TCF20: variants seen among roughly 807,000 people sequenced by gnomAD.
TCF20 encodes the protein SPRE-binding protein.
TCF20 carries 3 observed loss-of-function variants against 148.6 expected under a neutral mutation model. The observed-to-expected ratio is 0.02, with a 90% confidence interval of 0.01 to 0.05. The LOEUF (loss-of-function observed/expected upper bound fraction) is 0.05. Ranked by LOEUF, TCF20 falls within the 10% of genes least tolerant of loss-of-function variation. The pLI is 1.00. For missense variants in TCF20, 2,350 were observed against 2,429.3 expected, an observed-to-expected ratio of 0.97 and a Z score of 0.69; for synonymous variants, 1,049 against 909.5, an observed-to-expected ratio of 1.15 and a Z score of -2.76.
At chr22:42,270,877 C>T (rs993007212), upstream of TCF20, among the ~76,000 whole-genome samples, 22 of 151,336 alleles carry the variant, frequency 1.5e-4, no homozygotes, top group South Asian at 4.1e-4. Flanking sequence ...CGGGGTTCTC[C>T]TCTGCGGCCG....
rs760215206 is a variant in TCF20 at position 42,213,812 on chromosome 22, G to A, written c.1494C>T (p.Cys498=). The change falls in exon 2 of 6, where the codon TGC becomes TGT. Residue 498 remains cysteine, a synonymous_variant. Coordinates refer to ENST00000677622, the MANE Select transcript of TCF20 (RefSeq NM_001378418.1). ...GTTGTGAGGAGCCTTCAGAATTTGT[G>A]CAGCTATCTGCTTTCTTGGAAGATG... ...RPSSSKKADS[C]TNSEGSSQPE... 4.3e-6 allele frequency: 7 copies of A among 1,614,022 alleles called. No individual in the cohort carries two copies. Among genetic ancestry groups the A allele is most frequent in the Non-Finnish European group, 5.1e-6 (6 of 1,180,046 alleles).
At position 42,168,650 on chromosome 22, in the gene TCF20, C is replaced by G. The variant is rs768602400; in HGVS notation, c.*3G>C. ...TTCCATTCCCACGAGCACACTGCCC[C>G]CCTCACCCCCGCTCCGACTGCTCTG... On this transcript the variant is annotated 3_prime_UTR_variant, in exon 5 of 6. Coordinates refer to ENST00000677622, the MANE Select transcript of TCF20 (RefSeq NM_001378418.1). 11 of 1,600,176 alleles carry G rather than the reference C, an allele frequency of 6.9e-6. No individual in the cohort carries two copies. Among genetic ancestry groups the G allele is most frequent in the Middle Eastern group, 1.7e-4 (1 of 5,926 alleles).
intron 1 of TCF20, among the ~76,000 whole-genome samples, chr22:42,231,086 C>T (rs910988946): frequency 1.3e-5 from 2 of 152,052 alleles, no homozygotes; most frequent in African/African-American, 2.4e-5. Context: ...CGCTTGAACT[C>T]GCGACATGGA....
intron 1 of TCF20, among the ~76,000 whole-genome samples, chr22:42,289,448 C>T (rs1927093248): frequency 1.3e-5 from 2 of 152,276 alleles, no homozygotes; most frequent in Middle Eastern, 6.8e-3. Context: ...AGCACAGAGC[C>T]ACTCCTGGCT....
At chr22:42,265,977 T>C (rs1382190797) in intron 1 of TCF20, among the ~76,000 whole-genome samples, 1 of 151,892 alleles carries the variant, frequency 6.6e-6, no homozygotes, top group Non-Finnish European at 1.5e-5. Flanking sequence ...AAGGTAAAAG[T>C]TTAGGGAACT....
chr22:42,232,458 G>C (rs1923507129), intron 1 of TCF20, among the ~76,000 whole-genome samples: 1 of 151,954 alleles, frequency 6.6e-6, no homozygotes, highest in African/African-American at 2.4e-5. Flanking sequence ...AAATTAGAAA[G>C]ACGACTGATA....
At chr22:42,193,045 T>C (rs1168631076) in intron 2 of TCF20, among the ~76,000 whole-genome samples, 2 of 152,222 alleles carry the variant, frequency 1.3e-5, no homozygotes. Flanking sequence ...TTAGAACTAT[T>C]GGTTCAATTC....
upstream of TCF20, among the ~76,000 whole-genome samples, chr22:42,284,154 G>C (rs564991759): frequency 6.6e-5 from 10 of 152,222 alleles, 1 homozygote; most frequent in South Asian, 6.2e-4. Flanking sequence ...GGGAGCACCC[G>C]ATCCCCCCTC....
intron 1 of TCF20, among the ~76,000 whole-genome samples, chr22:42,329,478 G>A (rs929610505): frequency 1.3e-5 from 2 of 152,272 alleles, no homozygotes; most frequent in Non-Finnish European, 2.9e-5. Flanking sequence ...GGCTCAAGGA[G>A]GAGAGAAGCG....
intron 1 of TCF20, among the ~76,000 whole-genome samples, chr22:42,221,785 C>T (rs1424203588): frequency 8.5e-6 from 1 of 117,050 alleles, no homozygotes; most frequent in Non-Finnish European, 1.6e-5. Context: ...GTTGCCCAGG[C>T]TGGAGTGCAG....
At position 42,211,191 on chromosome 22, in the gene TCF20, C is replaced by G. The variant is rs371868789; in HGVS notation, c.4115G>C (p.Ser1372Thr). ...PNIRRSASSNSAEAGGDTVTL... is the reference protein window; with the variant it reads ...PNIRRSASSNTAEAGGDTVTL... ...AACCGTGTCTCCCCCAGCCTCCGCA[C>G]TGTTCGAAGATGCGCTCCTCCTAAT... The change falls in exon 2 of 6, where the codon AGT becomes ACT. Residue 1372 changes from serine (S) to threonine (T), a missense_variant. Physicochemically the swap from Ser to Thr is moderately conservative, Grantham distance 58. This residue lies in a region of TCF20 where 231 missense variants were observed against 213.7 expected (regional missense o/e 1.08). Transcript: ENST00000677622. 1 of 1,614,080 alleles carries G rather than the reference C, an allele frequency of 6.2e-7. No homozygotes were observed. The highest frequency in any genetic ancestry group is 2.2e-5 in the East Asian group (1 of 44,876).
In TCF20 at chr22:42,202,553, G is replaced by T. The variant is rs17002873; in HGVS notation, c.5655+7098C>A. Among the ~76,000 whole-genome samples, 971 of 152,334 alleles carry T rather than the reference G, an allele frequency of 6.4e-3. 15 individuals carry two copies. Among genetic ancestry groups the T allele is most frequent in the Middle Eastern group, 0.027 (8 of 294 alleles). ...CCTCTACACAGCTGTTGAGGAGAACGGCAAAAGCCAGGACCTTCCGGGGCA... is the reference window on the plus strand; with the variant it reads ...CCTCTACACAGCTGTTGAGGAGAACTGCAAAAGCCAGGACCTTCCGGGGCA... On this transcript the variant is annotated intron_variant, in intron 2 of 5. Coordinates refer to ENST00000677622, the MANE Select transcript of TCF20 (RefSeq NM_001378418.1).
At position 42,212,471 on chromosome 22, in the gene TCF20, C is replaced by G. The variant is rs1569149055; in HGVS notation, c.2835G>C (p.Lys945Asn). The G allele has an allele frequency of 1.4e-5, 23 of 1,614,218 alleles. No homozygotes were observed. The highest frequency in any genetic ancestry group is 2.2e-5 in the East Asian group (1 of 44,882). The change falls in exon 2 of 6, where the codon AAG becomes AAC. Residue 945 changes from lysine to asparagine, a missense_variant. Transcript: ENST00000677622. ...GAGGATGGCAGTGGTCTCCAGATTT[C>G]TTGTTGTTGAAACTAGCTTGAGATT... ...QSKSQASFNNKKSGDHCHPPS... is the reference protein window; with the variant it reads ...QSKSQASFNNNKSGDHCHPPS...
chr22:42,327,002 C>G (rs761753046), intron 1 of TCF20, among the ~76,000 whole-genome samples: 1 of 152,218 alleles, frequency 6.6e-6, no homozygotes, highest in Non-Finnish European at 1.5e-5. Flanking sequence ...GGCAGCAGAT[C>G]AGGAAGGAGA....
chr22:42,255,742 T>C (rs2147361857), intron 1 of TCF20, among the ~76,000 whole-genome samples: 1 of 152,228 alleles, frequency 6.6e-6, no homozygotes, highest in Admixed American at 6.5e-5. Context: ...TCATCATCTG[T>C]TTCCGGCCCT....
At position 42,161,159 on chromosome 22, in the gene TCF20, G is replaced by T; in HGVS notation, c.*244C>A. The stretch of plus-strand genomic sequence containing the variant: ...TTGTCACTATGGAGATTGTGTCCAT[G>T]GAAACAGCCATTCCAACGTCTTGGG... On this transcript the variant is annotated 3_prime_UTR_variant, in exon 6 of 6. Transcript: ENST00000677622. The T allele has an allele frequency of 5.1e-6, 2 of 391,724 alleles. No individual in the cohort carries two copies. Among genetic ancestry groups the T allele is most frequent in the Non-Finnish European group, 9.0e-6 (2 of 221,414 alleles). The allele number at this position is 391,724 out of a possible 1,614,324, so 24.3% of individuals were successfully genotyped here. A position where few individuals can be genotyped will look rare whatever the true frequency, so the allele number is the denominator to read the frequency against.
rs756521213 is a variant in TCF20 at position 42,211,280 on chromosome 22, C to A, written c.4026G>T (p.Leu1342=). 1 of 1,613,998 alleles carries A rather than the reference C, an allele frequency of 6.2e-7. No homozygotes were observed. Among genetic ancestry groups the A allele is most frequent in the Non-Finnish European group, 8.5e-7 (1 of 1,180,026 alleles). ...TLTSPAKTKI[L]PPRKGRGLKL... ...TCAATCCCCGTCCTTTCCGTGGGGG[C>A]AGTATTTTGGTCTTAGCAGGGCTTG... The change falls in exon 2 of 6, where the codon CTG becomes CTT. Residue 1342 remains leucine, a synonymous_variant. Coordinates refer to ENST00000677622, the MANE Select transcript of TCF20 (RefSeq NM_001378418.1).
chr22:42,294,449 G>T (rs1569202989), intron 1 of TCF20, among the ~76,000 whole-genome samples: 1 of 152,218 alleles, frequency 6.6e-6, no homozygotes, highest in East Asian at 1.9e-4. Context: ...GCCAGGGAAG[G>T]CTGCTGGGGG....
chr22:42,255,488 A>AAAAAACAAC (rs1414851810), intron 1 of TCF20, among the ~76,000 whole-genome samples: 137 of 29,310 alleles, frequency 4.7e-3, no homozygotes, highest in East Asian at 0.024. Context: ...ACTTCATCTC[A>AAAAAACAAC]AACAACAACA....
Sources: gnomAD v4.1 joint callset for allele counts (sites outside exome capture counted in the v4.1 genomes callset) on GRCh38, gnomAD v4.1.1 for gene constraint, gnomAD v4.1.1 regional missense constraint, MANE v1.5 for transcripts, NCBI Gene and HGNC (gene_info 2026-07-23, HGNC 2026-07-21) for gene names.